The following AKNAD1 variants were observed in gnomAD, a reference collection of about 807,000 sequenced individuals.
AKNAD1 encodes the protein AKNA domain containing 1.
AKNAD1 carries 67 observed loss-of-function variants against 90.8 expected under a neutral mutation model. That is an observed-to-expected ratio of 0.74 (90% CI 0.61 to 0.90). AKNAD1 has a LOEUF of 0.90. Among genes scored for constraint, AKNAD1 ranks in the 40% least tolerant of loss-of-function variants. The probability of loss-of-function intolerance (pLI) is 0.00; values close to 1 mark genes in which losing one functional copy is unlikely to be tolerated. For missense variants in AKNAD1, 957 were observed against 975.4 expected (o/e 0.98, Z 0.25); for synonymous variants, 327 against 341.4 (o/e 0.96, Z 0.46).
rs556883728 is a variant in AKNAD1, at chr1:108,848,755, C to T, written c.1242G>A (p.Lys414=). ...AAAACGGGATAAAATTCATTACCAG[C>T]TTCTTGTCTTGCAAATGGTAAGGAG... ...QDSPYHLQDK[K]LVLEKLQGHL... Residue 414 remains lysine, a synonymous_variant, in exon 5 of 16, where the codon AAG becomes AAA. Coordinates refer to ENST00000370001, the MANE Select transcript of AKNAD1 (RefSeq NM_152763.5). 1 of 1,605,622 alleles carries T rather than the reference C, an allele frequency of 6.2e-7. No individual in the cohort carries two copies. Among genetic ancestry groups the T allele is most frequent in the African/African-American group, 1.3e-5 (1 of 74,526 alleles).
chr1:108,822,394 C>T (rs577096229), intron 13 of AKNAD1, among the ~76,000 whole-genome samples: 261 of 152,252 alleles, frequency 1.7e-3, no homozygotes, highest in African/African-American at 5.9e-3. Context: ...AGCCCTCGTT[C>T]GTATACTGGC....
chr1:108,822,731 C>T (rs1663856933), intron 13 of AKNAD1, among the ~76,000 whole-genome samples: 1 of 152,178 alleles, frequency 6.6e-6, no homozygotes, highest in African/African-American at 2.4e-5. Flanking sequence ...AGTGGTAAAA[C>T]TAGGAGTATT....
intron 1 of AKNAD1, among the ~76,000 whole-genome samples, chr1:108,856,414 A>G (rs1665042839): frequency 6.6e-6 from 1 of 152,132 alleles, no homozygotes; most frequent in Non-Finnish European, 1.5e-5. Context: ...GAAAAAGAAA[A>G]AAAGTCCAGG....
chr1:108,834,318 AGGATGCCATTAGG>A (rs1210519202), intron 9 of AKNAD1, 116 bp downstream of exon 9: 2 of 736,698 alleles, frequency 2.7e-6, no homozygotes, highest in African/African-American at 3.6e-5. Context: ...ACTGACACCC[AGGATGCCATTAGG>A]AAGAGGTAAG....
At chr1:108,819,906 A>C (rs1663756808) in intron 14 of AKNAD1, among the ~76,000 whole-genome samples, 1 of 137,078 alleles carries the variant, frequency 7.3e-6, no homozygotes, top group Admixed American at 7.9e-5. Flanking sequence ...TAAAAATAAA[A>C]ATGAATTAAC....
At chr1:108,836,606 C>T (rs3738788) in intron 7 of AKNAD1, 3 of 152,288 alleles carry the variant, frequency 2.0e-5, no homozygotes, top group South Asian at 4.1e-4. Context: ...AACACTTCTT[C>T]GGAAGGGCTA....
chr1:108,835,110 G>T, intron 7 of AKNAD1, 54 bp from the exon 8 acceptor site: 2 of 1,545,968 alleles, frequency 1.3e-6, no homozygotes, highest in South Asian at 2.5e-5. Flanking sequence ...CACTGGAGGT[G>T]ACTCAAAATC....
At chr1:108,856,689 G>GAC (rs1665051905) in intron 1 of AKNAD1, among the ~76,000 whole-genome samples, 3 of 149,116 alleles carry the variant, frequency 2.0e-5, no homozygotes, top group Non-Finnish European at 4.5e-5. Flanking sequence ...CTGGGTGACA[G>GAC]AGCAAGACCC....
At position 108,835,792 on chromosome 1, in the gene AKNAD1, T is replaced by C. The variant is rs527538795; in HGVS notation, c.1537-736A>G. 9.5e-3 allele frequency among the ~76,000 whole-genome samples: 1,451 copies of C among 152,008 alleles called. 22 individuals are homozygous for C. The highest frequency in any genetic ancestry group is 0.033 in the African/African-American group (1,369 of 41,474). On this transcript the variant is annotated intron_variant, in intron 7 of 15. Transcript: ENST00000370001. ...GGCGCCCGCCACCACGCCCGGCTAA[T>C]TTTTTGTATCTTTAGTAGAAACGGG...
Position 108,851,899 on chromosome 1 carries a change from A to G in AKNAD1, c.766T>C (p.Tyr256His). The change falls in exon 2 of 16, where the codon TAC becomes CAC. Residue 256 changes from tyrosine (Y) to histidine (H), a missense_variant. Coordinates refer to ENST00000370001, the MANE Select transcript of AKNAD1 (RefSeq NM_152763.5). ...ATCTTAGAGAAATCAGGGAGCTGGTAATGAACTTGACCTTGGCCGTATTTG... is the reference window on the plus strand; with the variant it reads ...ATCTTAGAGAAATCAGGGAGCTGGTGATGAACTTGACCTTGGCCGTATTTG... ...TFKYGQGQVH[Y>H]QLPDFSKIAP... 1 of 1,614,150 alleles carries G rather than the reference A, an allele frequency of 6.2e-7. No homozygotes were observed. The highest frequency in any genetic ancestry group is 1.1e-5 in the South Asian group (1 of 91,072).
At chr1:108,826,415 T>C (rs944063693) in intron 11 of AKNAD1, among the ~76,000 whole-genome samples, 1 of 143,980 alleles carries the variant, frequency 6.9e-6, no homozygotes, top group East Asian at 2.0e-4. Flanking sequence ...TTCTGCTAGA[T>C]GTTTCTCTCC....
At chr1:108,851,035 G>A (rs1664840360) in intron 2 of AKNAD1, among the ~76,000 whole-genome samples, 1 of 152,164 alleles carries the variant, frequency 6.6e-6, no homozygotes, top group Non-Finnish European at 1.5e-5. Context: ...GAATAACTAA[G>A]GGCATAACGT....
Position 108,816,304 on chromosome 1 carries a change from T to C in AKNAD1, c.2380-2A>G, listed in dbSNP as rs1300443797. On this transcript the variant is annotated splice_acceptor_variant, in intron 15 of 15. Transcript: ENST00000370001. LOFTEE classifies it high-confidence loss of function. ...ATGATCCAAAGCCGAGTTTAAAATC[T>C]ACAGAGGAAAAGTCCACACATTTTA... 3 of 1,608,876 alleles carry C rather than the reference T, an allele frequency of 1.9e-6. No homozygotes were observed. The highest frequency in any genetic ancestry group is 2.5e-6 in the Non-Finnish European group (3 of 1,178,380).
chr1:108,848,921 C>T lies in AKNAD1; in HGVS notation c.1173G>A (p.Leu391=), dbSNP rs1335279208. The T allele has an allele frequency of 2.5e-6, 4 of 1,601,896 alleles. No individual in the cohort carries two copies. Among genetic ancestry groups the T allele is most frequent in the Non-Finnish European group, 3.4e-6 (4 of 1,176,506 alleles). The part of the protein sequence containing the change: ...CQKLKEQTDQ[L]KTKVQEFSKR... ...GCTTTAAAAGTATTACTTTAGTCTT[C>T]AGTTGATCAGTCTGTTCTTTCAACT... The change falls in exon 4 of 16, where the codon CTG becomes CTA. Residue 391 remains leucine (L), a synonymous_variant. Transcript: ENST00000370001.
intron 10 of AKNAD1, among the ~76,000 whole-genome samples, chr1:108,827,555 C>T (rs1036992397): frequency 6.6e-6 from 1 of 151,524 alleles, no homozygotes; most frequent in African/African-American, 2.4e-5. Flanking sequence ...TGGCTCACGC[C>T]TGTAATCCCA....
intron 11 of AKNAD1, among the ~76,000 whole-genome samples, chr1:108,826,559 C>A (rs1664000094): frequency 6.6e-6 from 1 of 151,464 alleles, no homozygotes; most frequent in African/African-American, 2.4e-5. Flanking sequence ...TCTCACGTAG[C>A]CAGTAACCTT....
chr1:108,842,050 T>G (rs1343062698), intron 6 of AKNAD1, among the ~76,000 whole-genome samples: 1 of 152,086 alleles, frequency 6.6e-6, no homozygotes, highest in African/African-American at 2.4e-5. Flanking sequence ...ATATCCTTAC[T>G]CTATTAATTT....
In AKNAD1 at chr1:108,823,411, A is replaced by G. The variant is rs777179511; in HGVS notation, c.2126T>C (p.Val709Ala). Residue 709 changes from valine to alanine, a missense_variant, in exon 13 of 16, where the codon GTC becomes GCC. Val to Ala is a moderately conservative substitution (Grantham distance 64). Coordinates refer to ENST00000370001, the MANE Select transcript of AKNAD1 (RefSeq NM_152763.5). ...YSNHSKRGAF[V>A]QPHSLDESKN... ...ACTTTCATCTAAAGAATGGGGCTGG[A>G]CAAAGGCACCTCTTTTGCTATGATT... 1.2e-6 allele frequency: 2 copies of G among 1,614,184 alleles called. No individual in the cohort carries two copies. The highest frequency in any genetic ancestry group is 3.3e-5 in the Admixed American group (2 of 60,022).
At chr1:108,855,079 G>A (rs1010834846) in intron 1 of AKNAD1, among the ~76,000 whole-genome samples, 22 of 152,244 alleles carry the variant, frequency 1.4e-4, no homozygotes, top group East Asian at 3.9e-4. Flanking sequence ...CTCCTTATCC[G>A]TGGGGATATT....
Sources: allele counts gnomAD v4.1 joint callset (sites outside exome capture counted in the v4.1 genomes callset), GRCh38; gene constraint gnomAD v4.1.1; transcripts MANE v1.5; gene names NCBI Gene and HGNC (gene_info 2026-07-23, HGNC 2026-07-21).